Variants in POTEI observed in about 807,000 individuals in gnomAD.
The protein encoded by POTEI is POTE ankyrin domain family member I.
A neutral mutation model predicts 43.4 loss-of-function variants in POTEI; 14 were observed. The observed-to-expected ratio is 0.32, with a 90% CI of 0.21 to 0.50. The LOEUF is 0.50. Ranked by LOEUF, POTEI falls within the 20% of genes least tolerant of loss-of-function variation. The probability of loss-of-function intolerance (pLI) is 0.98; values close to 1 mark genes in which losing one functional copy is unlikely to be tolerated. For synonymous variants in POTEI, 95 were observed against 297.9 expected (o/e 0.32, Z 7.01); for missense variants, 235 against 795.4 (o/e 0.30, Z 8.47).
intron 9 of POTEI, among the ~76,000 whole-genome samples, chr2:130,484,619 G>T (rs1174470311): frequency 0.026 from 2,251 of 87,462 alleles, 34 homozygotes; most frequent in African/African-American, 0.054. Flanking sequence ...GTAGATACGG[G>T]ATGGCAAGAA....
At chr2:130,491,414 A>G (rs1479954679) in intron 6 of POTEI, among the ~76,000 whole-genome samples, 2 of 123,896 alleles carry the variant, frequency 1.6e-5, no homozygotes, top group Admixed American at 1.8e-4. Flanking sequence ...TGCCTACATA[A>G]GCCAAGCCCT....
rs1364311037 is a variant in POTEI, at chr2:130,482,950, T to A, written c.1410-877A>T. 2.4e-4 allele frequency among the ~76,000 whole-genome samples: 2 copies of A among 8,264 alleles called. 1 individual carries two copies. The highest frequency in any genetic ancestry group is 2.6e-4 in the African/African-American group (2 of 7,634). 5.4% of individuals were successfully genotyped at this position (8,264 alleles called of 152,430 possible). On this transcript the variant is annotated intron_variant, in intron 9 of 14. Coordinates refer to ENST00000451531, the MANE Select transcript of POTEI (RefSeq NM_001277406.2). ...GGAGATGAAAACCCTACTTTTATTT[T>A]TTTTTTTTTAGGTTCCACGAAGAAG... is the stretch of plus-strand genomic sequence containing the variant.
intron 5 of POTEI, 120 bp from the exon 6 acceptor site, chr2:130,496,742 T>G: frequency 1.3e-6 from 1 of 774,006 alleles, no homozygotes. Context: ...CTTAATAGTA[T>G]TATCCCATCC....
At chr2:130,477,195 C>T (rs1683228570) in intron 10 of POTEI, among the ~76,000 whole-genome samples, 1 of 147,904 alleles carries the variant, frequency 6.8e-6, no homozygotes, top group East Asian at 2.0e-4. Context: ...CTTCCTCTGT[C>T]ACCAGGCTGG....
chr2:130,477,728 G>C (rs373180448), intron 10 of POTEI, among the ~76,000 whole-genome samples: 5,724 of 120,078 alleles, frequency 0.048, 178 homozygotes, highest in Non-Finnish European at 0.072. Flanking sequence ...GGTTTAAAAA[G>C]AATTAAAATA....
chr2:130,484,658 G>A (rs1683530154), intron 9 of POTEI, among the ~76,000 whole-genome samples: 1 of 103,776 alleles, frequency 9.6e-6, no homozygotes, highest in East Asian at 2.4e-4. Context: ...GAGCAAGGGA[G>A]ATAATCAGGA....
chr2:130,509,315 T>C lies in POTEI; in HGVS notation c.-80A>G, dbSNP rs1684277184. ...CCAGTTTCACCAACTAGCAGGTAAC[T>C]CCGGGTTTCCAATCTGTTTGAAGAG... On this transcript the variant is annotated 5_prime_UTR_variant, in exon 1 of 15. Transcript: ENST00000451531. 5 of 641,200 alleles carry C rather than the reference T, an allele frequency of 7.8e-6. 1 individual carries two copies. The South Asian group carries it at 1.0e-4, about 13-fold the overall frequency. 39.7% of individuals were successfully genotyped at this position (641,200 alleles called of 1,614,324 possible).
At chr2:130,482,620 G>T (rs1369971039) in intron 9 of POTEI, among the ~76,000 whole-genome samples, 5 of 150,316 alleles carry the variant, frequency 3.3e-5, no homozygotes, top group Non-Finnish European at 5.9e-5. Flanking sequence ...TGCAAATGTT[G>T]TAGTTTTCAG....
rs1423316597 is a variant in POTEI at position 130,508,636 on chromosome 2, TC to T, written c.521+78del. ...GGCCTGCGGAGGTGAGAAAGCCAGG[TC>T]CCCCTCCTCCCCCGCCAGGAGGGTA... On this transcript the variant is annotated intron_variant, in intron 1 of 14. Transcript: ENST00000451531. The T allele has an allele frequency of 1.3e-3, 891 of 668,498 alleles. 65 individuals carry two copies. The highest frequency in any genetic ancestry group is 0.01 in the African/African-American group (260 of 25,622). The allele number at this position is 668,498 out of a possible 1,614,324, so 41.4% of individuals were successfully genotyped here.
chr2:130,501,778 A>T (rs1292688670), intron 3 of POTEI, among the ~76,000 whole-genome samples: 1 of 4,146 alleles, frequency 2.4e-4, no homozygotes, highest in African/African-American at 3.0e-4. Flanking sequence ...AAAATAAAAT[A>T]AAAAAAACTG....
intron 6 of POTEI, among the ~76,000 whole-genome samples, chr2:130,492,284 GA>G (rs1262846124): frequency 7.1e-5 from 8 of 112,900 alleles, no homozygotes. Context: ...TGCCCAAGCA[GA>G]GACTTAAATA....
At chr2:130,502,075 G>C (rs1684070460) in intron 3 of POTEI, among the ~76,000 whole-genome samples, 1 of 47,960 alleles carries the variant, frequency 2.1e-5, no homozygotes, top group African/African-American at 4.3e-5. Flanking sequence ...GAAAATTGTT[G>C]TTGTTGTCGT....
intron 6 of POTEI, among the ~76,000 whole-genome samples, chr2:130,492,820 CTAA>C (rs941555719): frequency 7.1e-6 from 1 of 140,918 alleles, no homozygotes; most frequent in Admixed American, 7.3e-5. Context: ...ATGAATTTAA[CTAA>C]TAATTGTGAA....
Position 130,508,910 on chromosome 2 carries a change from C to T in POTEI, c.326G>A (p.Cys109Tyr), listed in dbSNP as rs981098024. ...CACGTTGCTCTTGCCGCTCCCCCTGCAGCAGGGGAAGCAGTGGCAGCACCA... is the reference window on the plus strand; with the variant it reads ...CACGTTGCTCTTGCCGCTCCCCCTGTAGCAGGGGAAGCAGTGGCAGCACCA... ...GKWCCHCFPC[C>Y]RGSGKSNVGA... Residue 109 changes from cysteine to tyrosine, a missense_variant, in exon 1 of 15, where the codon TGC becomes TAC. Coordinates refer to ENST00000451531, the MANE Select transcript of POTEI (RefSeq NM_001277406.2). The T allele has an allele frequency of 6.3e-7, 1 of 1,594,156 alleles. No homozygotes were observed.
chr2:130,468,422 C>T lies in POTEI; in HGVS notation c.1779-2650G>A, dbSNP rs372901111. ...AAGAGGATTAATTGATTCACAGTTACGCATGGCTGGGGAGGCCTCAGGAAA... is the reference window on the plus strand; with the variant it reads ...AAGAGGATTAATTGATTCACAGTTATGCATGGCTGGGGAGGCCTCAGGAAA... On this transcript the variant is annotated intron_variant, in intron 13 of 14. Coordinates refer to ENST00000451531, the MANE Select transcript of POTEI (RefSeq NM_001277406.2). Among the ~76,000 whole-genome samples, 290 of 151,472 alleles carry T rather than the reference C, an allele frequency of 1.9e-3. No homozygotes were observed. The East Asian group carries it at 0.058, about 30-fold the overall frequency.
chr2:130,468,990 T>A (rs1196558295), intron 13 of POTEI, among the ~76,000 whole-genome samples: 2 of 150,488 alleles, frequency 1.3e-5, no homozygotes, highest in African/African-American at 4.9e-5. Context: ...ATCATATACA[T>A]ACATGAACTG....
At chr2:130,479,191 A>T (rs1361341636) in intron 10 of POTEI, among the ~76,000 whole-genome samples, 1 of 147,660 alleles carries the variant, frequency 6.8e-6, no homozygotes, top group Non-Finnish European at 1.5e-5. Context: ...TTATATTCCC[A>T]CTGCCACTGG....
chr2:130,483,399 C>CA (rs1683464068), intron 9 of POTEI, among the ~76,000 whole-genome samples: 1 of 125,134 alleles, frequency 8.0e-6, no homozygotes, highest in Admixed American at 8.7e-5. Context: ...GTAAAGTTTG[C>CA]AATTCCTCTG....
chr2:130,477,144 CT>C (rs1297333859), intron 10 of POTEI, among the ~76,000 whole-genome samples: 139 of 151,270 alleles, frequency 9.2e-4, no homozygotes, highest in Non-Finnish European at 1.4e-3. Context: ...AATTTATTTT[CT>C]TTTTTTCTTT....
Sources: allele counts gnomAD v4.1 joint callset (sites outside exome capture counted in the v4.1 genomes callset), GRCh38; gene constraint gnomAD v4.1.1; transcripts MANE v1.5; gene names NCBI Gene and HGNC (gene_info 2026-07-23, HGNC 2026-07-21).